MAP4K5: variants seen among roughly 807,000 people sequenced by gnomAD.
MAP4K5 encodes the protein mitogen-activated protein kinase kinase kinase kinase 5, also known as MAPK/ERK kinase kinase kinase 5.
Under a neutral mutation model 135.6 loss-of-function variants are expected in MAP4K5, and 82 were observed. The ratio of observed to expected loss-of-function variants is 0.60; its 90% CI spans 0.51 to 0.73. MAP4K5 has a LOEUF of 0.73. Ranked by LOEUF, MAP4K5 falls within the 30% of genes least tolerant of loss-of-function variation. The probability of loss-of-function intolerance (pLI) is 0.00; values close to 1 mark genes in which losing one functional copy is unlikely to be tolerated. For missense variants in MAP4K5, 907 were observed against 1,010.9 expected (o/e 0.90, Z 1.39); for synonymous variants, 347 against 335.0 (o/e 1.04, Z -0.39).
In MAP4K5 at chr14:50,468,751, T is replaced by C; in HGVS notation, c.574A>G (p.Asn192Asp). The change falls in exon 10 of 33, where the codon AAT becomes GAT. Residue 192 changes from asparagine (N) to aspartate (D), a missense_variant. Around this residue, in one of 3 missense-constraint regions of MAP4K5, gnomAD observed 690 missense variants for 777.4 expected, o/e 0.89. Transcript: ENST00000682126. Reference protein sequence around the residue: ...MAPEVAAVEKNGGYNQLCDIW... With the variant: ...MAPEVAAVEKDGGYNQLCDIW... ...TCACAGAGTTGGTTGTAGCCACCAT[T>C]CTTCTCTACTGCTGCAACTTCTGGG... 6.2e-7 allele frequency: 1 copy of C among 1,611,788 alleles called. No homozygotes were observed. Among genetic ancestry groups the C allele is most frequent in the Non-Finnish European group, 8.5e-7 (1 of 1,178,780 alleles).
chr14:50,432,734 T>A (rs1309920167), intron 28 of MAP4K5, among the ~76,000 whole-genome samples: 1 of 152,154 alleles, frequency 6.6e-6, no homozygotes, highest in Non-Finnish European at 1.5e-5. Context: ...CTTTATACCA[T>A]GCTGATGAGC....
chr14:50,522,514 C>G (rs2038172722), intron 2 of MAP4K5, among the ~76,000 whole-genome samples: 2 of 152,032 alleles, frequency 1.3e-5, no homozygotes, highest in South Asian at 4.2e-4. Flanking sequence ...TAGTAAATAT[C>G]CACAACAGTA....
intron 2 of MAP4K5, among the ~76,000 whole-genome samples, chr14:50,530,735 A>G (rs562598152): frequency 6.6e-6 from 1 of 152,336 alleles, no homozygotes; most frequent in East Asian, 1.9e-4. Context: ...TACCTCTACC[A>G]GTGCCTGGTA....
rs750400430 is a variant in MAP4K5 at position 50,438,084 on chromosome 14, G to A, written c.1708+8C>T. The A allele has an allele frequency of 2.8e-5, 24 of 868,488 alleles. No homozygotes were observed. The highest frequency in any genetic ancestry group is 4.2e-5 in the Non-Finnish European group (21 of 504,652). 53.8% of individuals were successfully genotyped at this position (868,488 alleles called of 1,614,324 possible). ...ATACAATTTTCGAGAAAAAGAAAACGTAATTACCTTCTAAAACGAGAGTCC... is the reference window on the plus strand; with the variant it reads ...ATACAATTTTCGAGAAAAAGAAAACATAATTACCTTCTAAAACGAGAGTCC... On this transcript the variant is annotated splice_region_variant and intron_variant, in intron 24 of 32. Transcript: ENST00000682126.
At chr14:50,509,970 G>A (rs538372511) in intron 2 of MAP4K5, among the ~76,000 whole-genome samples, 4 of 152,212 alleles carry the variant, frequency 2.6e-5, no homozygotes, top group South Asian at 4.1e-4. Context: ...AAATTGTGAC[G>A]GTTGAAAAAT....
chr14:50,442,884 TAAC>T (rs1451124928), intron 20 of MAP4K5, 68 bp from the exon 21 acceptor site: 2 of 888,858 alleles, frequency 2.3e-6, no homozygotes, highest in Non-Finnish European at 3.5e-6. Flanking sequence ...GGAAAATAAC[TAAC>T]ATCATTGAAA....
chr14:50,556,433 G>T (rs757915486), intron 1 of MAP4K5, among the ~76,000 whole-genome samples: 20 of 151,720 alleles, frequency 1.3e-4, no homozygotes, highest in Non-Finnish European at 2.1e-4. Flanking sequence ...GTACAGGCTG[G>T]TCTCGAACTC....
intron 1 of MAP4K5, among the ~76,000 whole-genome samples, chr14:50,556,909 G>T (rs528233806): frequency 6.6e-6 from 1 of 152,222 alleles, no homozygotes; most frequent in South Asian, 2.1e-4. Flanking sequence ...TTGGCACTGG[G>T]ATTGTTTCCA....
At chr14:50,470,048 A>C (rs1279887644) in intron 9 of MAP4K5, among the ~76,000 whole-genome samples, 1 of 152,230 alleles carries the variant, frequency 6.6e-6, no homozygotes, top group Non-Finnish European at 1.5e-5. Context: ...AGAAGTAAAC[A>C]ATCACCACGG....
intron 3 of MAP4K5, among the ~76,000 whole-genome samples, chr14:50,488,136 C>T (rs1054657347): frequency 6.6e-6 from 1 of 152,116 alleles, no homozygotes; most frequent in Non-Finnish European, 1.5e-5. Context: ...AACTTACAAT[C>T]ATGGCAGAAG....
In MAP4K5 at chr14:50,496,119, G is replaced by A. The variant is rs568043861; in HGVS notation, c.166+8681C>T. On this transcript the variant is annotated intron_variant, in intron 3 of 32. Transcript: ENST00000682126. ...GCAGGTGGATCATCTGAGGTCAGGA[G>A]TTCAAGACCAGCCTGGCCAACATGG... is the stretch of plus-strand genomic sequence containing the variant. Among the ~76,000 whole-genome samples, 8 of 152,232 alleles carry A rather than the reference G, an allele frequency of 5.3e-5. No individual in the cohort carries two copies. The South Asian group carries it at 1.7e-3, about 32-fold the overall frequency.
chr14:50,504,749 A>T (rs377393373), intron 3 of MAP4K5, 51 bp downstream of exon 3: 47 of 1,288,332 alleles, frequency 3.6e-5, no homozygotes, highest in Non-Finnish European at 4.6e-5. Context: ...GGAAACAAGG[A>T]AAGAAATATG....
At chr14:50,453,272 CAAA>C (rs750792572) in intron 14 of MAP4K5, among the ~76,000 whole-genome samples, 1 of 105,792 alleles carries the variant, frequency 9.5e-6, no homozygotes. Flanking sequence ...GATGACAAAC[CAAA>C]AAAAAAAAAA....
intron 1 of MAP4K5, among the ~76,000 whole-genome samples, chr14:50,547,804 T>A (rs1296627346): frequency 6.6e-6 from 1 of 152,218 alleles, no homozygotes; most frequent in Non-Finnish European, 1.5e-5. Flanking sequence ...ATTATGCCTT[T>A]TCCAGTATTC....
intron 12 of MAP4K5, among the ~76,000 whole-genome samples, chr14:50,463,489 T>G (rs2036757101): frequency 6.6e-6 from 1 of 151,518 alleles, no homozygotes; most frequent in Non-Finnish European, 1.5e-5. Flanking sequence ...ATATATACAC[T>G]GTTTATGGCT....
intron 28 of MAP4K5, among the ~76,000 whole-genome samples, chr14:50,431,270 T>C (rs1360439119): frequency 1.3e-5 from 2 of 151,416 alleles, no homozygotes; most frequent in African/African-American, 4.9e-5. Context: ...ATTATTATTA[T>C]ACTTTAAGTT....
intron 2 of MAP4K5, among the ~76,000 whole-genome samples, chr14:50,529,045 T>C (rs1208839738): frequency 1.3e-5 from 2 of 152,072 alleles, no homozygotes; most frequent in East Asian, 1.9e-4. Flanking sequence ...AGAACTCAAA[T>C]AGATGAAATT....
At chr14:50,447,366 C>T (rs1241090577) in intron 16 of MAP4K5, 48 bp downstream of exon 16, 1 of 1,167,636 alleles carries the variant, frequency 8.6e-7, no homozygotes, top group Non-Finnish European at 1.2e-6. Flanking sequence ...CCATACTGTT[C>T]TTATGTAATC....
Position 50,476,313 on chromosome 14 carries a change from GT to G in MAP4K5, c.379-8del. The G allele has an allele frequency of 1.4e-5, 16 of 1,136,666 alleles. No homozygotes were observed. The highest frequency in any genetic ancestry group is 3.3e-5 in the East Asian group (1 of 29,918). 70.4% of individuals were successfully genotyped at this position (1,136,666 alleles called of 1,614,324 possible). On this transcript the variant is annotated splice_region_variant and splice_polypyrimidine_tract_variant and intron_variant, in intron 6 of 32. Transcript: ENST00000682126. ...TATGCAAATAGGCAAGACCCTAAAAGTTTAAAAAAAAAAAAAAAGAATGTAT... is the reference window on the plus strand; with the variant it reads ...TATGCAAATAGGCAAGACCCTAAAAGTTAAAAAAAAAAAAAAAGAATGTAT...
Sources: allele counts gnomAD v4.1 joint callset (sites outside exome capture counted in the v4.1 genomes callset), GRCh38; gene constraint gnomAD v4.1.1; regional missense constraint gnomAD v4.1.1; transcripts MANE v1.5; gene names NCBI Gene and HGNC (gene_info 2026-07-23, HGNC 2026-07-21).